The following SOCS2 variants were observed in gnomAD, a reference collection of about 807,000 sequenced individuals.
SOCS2 encodes CIS-2.
Under a neutral mutation model 18.6 loss-of-function variants are expected in SOCS2, and 10 were observed. That is an observed-to-expected ratio of 0.54 (90% CI 0.33 to 0.91). SOCS2 has a LOEUF of 0.91. SOCS2 is among the 40% of genes least tolerant of loss of function. The probability of loss-of-function intolerance (pLI) is 0.02; values close to 1 mark genes in which losing one functional copy is unlikely to be tolerated. For missense variants in SOCS2, 231 were observed against 247.2 expected (o/e 0.93, Z 0.44); for synonymous variants, 104 against 104.0 (o/e 1.00, Z 0.00).
chr12:93,616,689 T>G, the SOCS2 span, among the ~76,000 whole-genome samples: 1 of 152,104 alleles, frequency 6.6e-6, no homozygotes, highest in Non-Finnish European at 1.5e-5. Context: ...GGCGGGGGTA[T>G]GTGTGCATCC....
At chr12:93,614,802 T>G in the SOCS2 span, among the ~76,000 whole-genome samples, 1 of 151,094 alleles carries the variant, frequency 6.6e-6, no homozygotes, top group African/African-American at 2.4e-5. Context: ...TTAGTAGGGA[T>G]GGGGTTTCAC....
chr12:93,572,650 T>G, upstream of SOCS2: 1 of 685,422 alleles, frequency 1.5e-6, no homozygotes, highest in Non-Finnish European at 2.7e-6. The surrounding 1 kb of genome is among the most constrained non-coding windows in gnomAD (Gnocchi z 5.0). Flanking sequence ...GGGGTCCAGT[T>G]TGGACTGACC....
At chr12:93,571,532 G>A, upstream of SOCS2, 1 of 164,610 alleles carries the variant, frequency 6.1e-6, no homozygotes, top group Non-Finnish European at 1.3e-5. Flanking sequence ...TCCCGCCCTC[G>A]CTCCTTCCTC....
At chr12:93,598,862 A>G in the SOCS2 span, among the ~76,000 whole-genome samples, 1 of 152,156 alleles carries the variant, frequency 6.6e-6, no homozygotes, top group African/African-American at 2.4e-5. Context: ...TAGCAATAGA[A>G]TTGCTGGGGT....
intron 1 of SOCS2, chr12:93,573,402 C>G: frequency 2.3e-6 from 1 of 432,352 alleles, no homozygotes; most frequent in Non-Finnish European, 4.1e-6. Context: ...CAAGTCGGTG[C>G]CGCGGGCCCC....
chr12:93,590,010 T>A, the SOCS2 span, among the ~76,000 whole-genome samples: 1 of 152,268 alleles, frequency 6.6e-6, no homozygotes, highest in African/African-American at 2.4e-5. Context: ...TCCCAGCACT[T>A]TGGGAGGCCA....
chr12:93,572,577 C>A, upstream of SOCS2: 1 of 559,548 alleles, frequency 1.8e-6, no homozygotes, highest in Non-Finnish European at 3.3e-6. This position sits in a 1 kb window ranked among gnomAD's most constrained non-coding sequence, Gnocchi z 5.0. Context: ...GGTGCAGGAA[C>A]GTAGAGGCGG....
At chr12:93,573,190 T>C (rs897111327) in intron 1 of SOCS2, 154 bp downstream of exon 1, 26 of 964,834 alleles carry the variant, frequency 2.7e-5, no homozygotes, top group Non-Finnish European at 3.8e-5. Flanking sequence ...GGGTCCTGGG[T>C]CCTTGGGAAT....
the SOCS2 span, among the ~76,000 whole-genome samples, chr12:93,609,581 T>C: frequency 1.3e-5 from 2 of 152,166 alleles, no homozygotes; most frequent in South Asian, 4.1e-4. Context: ...TTATTACCTT[T>C]ATTATTTGGT....
At chr12:93,616,903 T>G in the SOCS2 span, among the ~76,000 whole-genome samples, 1 of 152,190 alleles carries the variant, frequency 6.6e-6, no homozygotes, top group Non-Finnish European at 1.5e-5. Flanking sequence ...AACCTTTTGG[T>G]CTGGACCTGG....
In SOCS2 at chr12:93,572,986, C is replaced by G. The variant is rs754138935; in HGVS notation, c.89C>G (p.Ser30Cys). Residue 30 changes from serine to cysteine, a missense_variant, in exon 1 of 2, where the codon TCC (serine) becomes TGC (cysteine). Ser to Cys is a moderately radical substitution (Grantham distance 112). Transcript: ENST00000551556. The surrounding 1 kb of genome is among the most constrained non-coding windows in gnomAD (Gnocchi z 5.0). ...WGTAGSAEEPSPQAARLAKAL... is the reference protein window; with the variant it reads ...WGTAGSAEEPCPQAARLAKAL... ...ACCGCGGGGTCGGCGGAGGAGCCAT[C>G]CCCGCAGGCGGCGCGTCTGGCGAAG... is the stretch of plus-strand genomic sequence containing the variant. The G allele has an allele frequency of 6.4e-6, 10 of 1,570,178 alleles. 1 individual carries two copies. The South Asian group carries it at 1.2e-4, about 18-fold the overall frequency.
the SOCS2 span, among the ~76,000 whole-genome samples, chr12:93,589,950 G>C: frequency 6.6e-6 from 1 of 152,192 alleles, no homozygotes; most frequent in East Asian, 1.9e-4. Flanking sequence ...CAAAGTACTG[G>C]ATTGTTGAGA....
chr12:93,586,200 A>C (rs935248695), downstream of SOCS2, among the ~76,000 whole-genome samples: 2 of 152,178 alleles, frequency 1.3e-5, no homozygotes, highest in Admixed American at 1.3e-4. Flanking sequence ...ATCTTCACAA[A>C]CATCTCTTGG....
chr12:93,590,705 GA>G, the SOCS2 span, among the ~76,000 whole-genome samples: 1 of 137,716 alleles, frequency 7.3e-6, no homozygotes, highest in African/African-American at 2.7e-5. Flanking sequence ...GAGGCAGAAA[GA>G]ATCGCTTGAA....
upstream of SOCS2, chr12:93,571,354 C>G (rs984834246): frequency 2.0e-5 from 3 of 152,260 alleles, no homozygotes; most frequent in Admixed American, 1.3e-4. Context: ...AAGAGAGAGT[C>G]CGAACCGCGG....
Position 93,581,790 on chromosome 12 carries a change from C to T in SOCS2, c.117-1233C>T, listed in dbSNP as rs572917606. 1.2e-3 allele frequency among the ~76,000 whole-genome samples: 189 copies of T among 152,238 alleles called. 1 individual carries two copies. The highest frequency in any genetic ancestry group is 2.0e-3 in the Non-Finnish European group (139 of 68,026). ...GAAGTGTTCTTTCATTGAGGGAGCT[C>T]TTACAGACCATGAGAAAGGATGGAG... On this transcript the variant is annotated intron_variant, in intron 1 of 1. Coordinates refer to the SOCS2 transcript ENST00000549510.
chr12:93,572,964 G>A lies in SOCS2; in HGVS notation c.67G>A (p.Ala23Thr). 1.3e-6 allele frequency: 2 copies of A among 1,567,028 alleles called. No homozygotes were observed. Among genetic ancestry groups the A allele is most frequent in the Non-Finnish European group, 1.7e-6 (2 of 1,156,178 alleles). The change falls in exon 1 of 2, where the codon GCG becomes ACG. Residue 23 changes from alanine (A) to threonine (T), a missense_variant. Physicochemically the swap from Ala to Thr is moderately conservative, Grantham distance 58. This residue lies in a region of SOCS2 where 106 missense variants were observed against 103.8 expected (regional missense o/e 1.02). Coordinates refer to ENST00000551556, the MANE Select transcript of SOCS2 (RefSeq NM_001270471.2). This position sits in a 1 kb window ranked among gnomAD's most constrained non-coding sequence, Gnocchi z 5.0. ...GEGTRSQWGT[A>T]GSAEEPSPQA... ...AGGGACGCGGAGCCAGTGGGGGACCGCGGGGTCGGCGGAGGAGCCATCCCC... is the reference window on the plus strand; with the variant it reads ...AGGGACGCGGAGCCAGTGGGGGACCACGGGGTCGGCGGAGGAGCCATCCCC...
At chr12:93,594,895 A>G in the SOCS2 span, among the ~76,000 whole-genome samples, 2 of 152,198 alleles carry the variant, frequency 1.3e-5, no homozygotes, top group Non-Finnish European at 2.9e-5. Flanking sequence ...ACATTTTGTT[A>G]ATACATCGAA....
chr12:93,605,124 T>G, the SOCS2 span, among the ~76,000 whole-genome samples: 2 of 152,194 alleles, frequency 1.3e-5, no homozygotes, highest in African/African-American at 4.8e-5. Flanking sequence ...AATTTAAAAT[T>G]GTGTTTATAA....
Sources: allele counts gnomAD v4.1 joint callset (sites outside exome capture counted in the v4.1 genomes callset), GRCh38; gene constraint gnomAD v4.1.1; regional missense constraint gnomAD v4.1.1; non-coding constraint Gnocchi (gnomAD v3.1); transcripts MANE v1.5; gene names NCBI Gene and HGNC (gene_info 2026-07-23, HGNC 2026-07-21).